Variants in LRRTM4 observed in about 807,000 individuals in gnomAD.
The protein encoded by LRRTM4 is leucine-rich repeat transmembrane neuronal protein 4.
In LRRTM4, 25 loss-of-function variants were observed where a neutral mutation model predicts 47.6. The observed-to-expected ratio is 0.53, with a 90% CI of 0.38 to 0.73. The LOEUF is 0.73. LRRTM4 is among the 30% of genes least tolerant of loss of function. LRRTM4 has a pLI of 0.00. For missense variants in LRRTM4, 638 were observed against 713.4 expected, an observed-to-expected ratio of 0.89 and a Z score of 1.20; for synonymous variants, 311 against 269.5, an observed-to-expected ratio of 1.15 and a Z score of -1.51.
chr2:77,454,684 T>G (rs1261653998), intron 3 of LRRTM4, among the ~76,000 whole-genome samples: 1 of 152,110 alleles, frequency 6.6e-6, no homozygotes, highest in African/African-American at 2.4e-5. Flanking sequence ...TTTAAATTTG[T>G]TTTTTGGTTC....
chr2:77,182,377 G>T (rs1215137115), intron 3 of LRRTM4, among the ~76,000 whole-genome samples: 1 of 152,018 alleles, frequency 6.6e-6, no homozygotes, highest in East Asian at 1.9e-4. Context: ...TGAACAATGA[G>T]AACACATGGA....
intron 3 of LRRTM4, among the ~76,000 whole-genome samples, chr2:76,898,802 G>A (rs1673514977): frequency 6.6e-6 from 1 of 150,764 alleles, no homozygotes; most frequent in Non-Finnish European, 1.5e-5. Flanking sequence ...ATATATAATA[G>A]AGATTTTATA....
intron 3 of LRRTM4, among the ~76,000 whole-genome samples, chr2:77,423,357 G>A (rs1324999492): frequency 6.6e-6 from 1 of 151,762 alleles, no homozygotes; most frequent in African/African-American, 2.4e-5. Context: ...CTGAATATAA[G>A]GTCTCATCAT....
At chr2:77,008,731 G>T (rs933612065) in intron 3 of LRRTM4, among the ~76,000 whole-genome samples, 3 of 152,016 alleles carry the variant, frequency 2.0e-5, no homozygotes, top group Non-Finnish European at 2.9e-5. Flanking sequence ...TATTGCTTCT[G>T]CCTGGGACAC....
At chr2:77,016,866 T>C (rs975811920) in intron 3 of LRRTM4, among the ~76,000 whole-genome samples, 3 of 152,112 alleles carry the variant, frequency 2.0e-5, no homozygotes, top group Non-Finnish European at 2.9e-5. Context: ...TTTGAAATGA[T>C]ACTTTATTGA....
intron 3 of LRRTM4, among the ~76,000 whole-genome samples, chr2:77,297,157 C>T (rs1676997346): frequency 1.3e-5 from 2 of 151,740 alleles, no homozygotes; most frequent in African/African-American, 2.4e-5. Flanking sequence ...TTTTTGTTTC[C>T]GTTTTGTCTT....
At chr2:77,407,988 G>A (rs941200938) in intron 3 of LRRTM4, among the ~76,000 whole-genome samples, 5 of 151,906 alleles carry the variant, frequency 3.3e-5, no homozygotes, top group South Asian at 2.1e-4. Context: ...CCAATAACCT[G>A]TCTTCTTAAC....
At chr2:77,350,799 T>C (rs1339162656) in intron 3 of LRRTM4, among the ~76,000 whole-genome samples, 1 of 151,076 alleles carries the variant, frequency 6.6e-6, no homozygotes, top group Non-Finnish European at 1.5e-5. Context: ...AGAAACCATA[T>C]GAAATATTGC....
chr2:76,904,229 C>T (rs1185043861), intron 3 of LRRTM4, among the ~76,000 whole-genome samples: 1 of 152,188 alleles, frequency 6.6e-6, no homozygotes, highest in East Asian at 1.9e-4. Flanking sequence ...ATGTGACAAC[C>T]TCACAGGATG....
intron 3 of LRRTM4, among the ~76,000 whole-genome samples, chr2:77,085,606 A>G (rs748374126): frequency 2.6e-5 from 4 of 152,152 alleles, no homozygotes; most frequent in Non-Finnish European, 4.4e-5. Context: ...GTTCATTTTC[A>G]GAAAATACTA....
At chr2:77,284,931 G>C (rs1481511193) in intron 3 of LRRTM4, among the ~76,000 whole-genome samples, 1 of 151,926 alleles carries the variant, frequency 6.6e-6, no homozygotes, top group East Asian at 1.9e-4. Flanking sequence ...CAATTATACA[G>C]GTATTAAAGA....
At chr2:76,776,527 C>G (rs1674002806) in intron 3 of LRRTM4, among the ~76,000 whole-genome samples, 1 of 151,898 alleles carries the variant, frequency 6.6e-6, no homozygotes, top group South Asian at 2.1e-4. Context: ...AGCATTTTTT[C>G]ATGTGTTTTT....
At chr2:77,293,801 C>T (rs1676895595) in intron 3 of LRRTM4, among the ~76,000 whole-genome samples, 1 of 152,200 alleles carries the variant, frequency 6.6e-6, no homozygotes, top group East Asian at 1.9e-4. Context: ...CTAATCCTCC[C>T]TTCCCTACTA....
intron 3 of LRRTM4, among the ~76,000 whole-genome samples, chr2:77,025,479 CA>C (rs1319662824): frequency 5.7e-4 from 87 of 152,144 alleles, no homozygotes; most frequent in Non-Finnish European, 8.8e-5. Flanking sequence ...TTTCCTGCAA[CA>C]CATTTCTTAG....
At chr2:77,109,012 C>G (rs1671176743) in intron 3 of LRRTM4, among the ~76,000 whole-genome samples, 1 of 152,100 alleles carries the variant, frequency 6.6e-6, no homozygotes. Context: ...AACATATACA[C>G]TAAAATAAAT....
chr2:76,807,910 TTTTCTTTCC>T (rs990132497), intron 3 of LRRTM4, among the ~76,000 whole-genome samples: 12 of 143,082 alleles, frequency 8.4e-5, no homozygotes, highest in South Asian at 2.2e-4. Flanking sequence ...CTTTTCTTTC[TTTTCTTTCC>T]TTTCTTTCCT....
chr2:76,904,119 T>A (rs1673737313), intron 3 of LRRTM4, among the ~76,000 whole-genome samples: 1 of 152,182 alleles, frequency 6.6e-6, no homozygotes, highest in Non-Finnish European at 1.5e-5. Flanking sequence ...AGAAGTTACT[T>A]CTCAGGGTTC....
intron 3 of LRRTM4, among the ~76,000 whole-genome samples, chr2:77,193,489 C>A (rs985494935): frequency 7.9e-5 from 12 of 151,294 alleles, no homozygotes; most frequent in African/African-American, 2.7e-4. Context: ...AATTGATATG[C>A]CTTGCTCTTT....
chr2:76,777,170 T>A (rs1287538784), intron 3 of LRRTM4, among the ~76,000 whole-genome samples: 3 of 150,662 alleles, frequency 2.0e-5, no homozygotes, highest in African/African-American at 7.3e-5. Flanking sequence ...AGCCTTGCAG[T>A]ATAGTTTGAA....
Sources: gnomAD v4.1 joint callset for allele counts (sites outside exome capture counted in the v4.1 genomes callset) on GRCh38, gnomAD v4.1.1 for gene constraint, MANE v1.5 for transcripts, NCBI Gene and HGNC (gene_info 2026-07-23, HGNC 2026-07-21) for gene names.